RFTN1: variants seen among roughly 807,000 people sequenced by gnomAD.
The protein encoded by RFTN1 is raftlin.
Under a neutral mutation model 46.5 loss-of-function variants are expected in RFTN1, and 26 were observed. The ratio of observed to expected loss-of-function variants is 0.56; its 90% CI spans 0.41 to 0.78. The LOEUF is 0.78. Ranked by LOEUF, RFTN1 falls within the 30% of genes least tolerant of loss-of-function variation. RFTN1 has a pLI of 0.00. For missense variants in RFTN1, 693 were observed against 718.7 expected, an observed-to-expected ratio of 0.96 and a Z score of 0.41; for synonymous variants, 261 against 284.2, an observed-to-expected ratio of 0.92 and a Z score of 0.82.
At position 16,356,670 on chromosome 3, in the gene RFTN1, A is replaced by C. The variant is rs2072457376; in HGVS notation, c.1146+1262T>G. Among the ~76,000 whole-genome samples the C allele has an allele frequency of 6.6e-6, 1 of 152,216 alleles. No individual in the cohort carries two copies. The highest frequency in any genetic ancestry group is 2.4e-5 in the African/African-American group (1 of 41,470). On this transcript the variant is annotated intron_variant, in intron 7 of 9. Coordinates refer to ENST00000334133, the MANE Select transcript of RFTN1 (RefSeq NM_015150.2). The surrounding 1 kb of genome is among the most constrained non-coding windows in gnomAD (Gnocchi z 4.9). ...TTCTGGCAGGCACAAGGGTGTGGCA[A>C]GCACTGGCTGTCTAGAGGGTCCCAG...
rs904630392 is a variant in RFTN1 at position 16,480,520 on chromosome 3, T to C, written c.145+13205A>G. ...GCCCTGACCTGTAAACAAAGAAGAG[T>C]ATGCCTGAAACACAGAACTGAGGAA... is the stretch of plus-strand genomic sequence containing the variant. On this transcript the variant is annotated intron_variant, in intron 2 of 9. Coordinates refer to ENST00000334133, the MANE Select transcript of RFTN1 (RefSeq NM_015150.2). This position sits in a 1 kb window ranked among gnomAD's most constrained non-coding sequence, Gnocchi z 4.3. 2.6e-5 allele frequency among the ~76,000 whole-genome samples: 4 copies of C among 152,224 alleles called. No individual in the cohort carries two copies. The highest frequency in any genetic ancestry group is 9.6e-5 in the African/African-American group (4 of 41,508).
intron 4 of RFTN1, among the ~76,000 whole-genome samples, chr3:16,389,498 G>A (rs974697007): frequency 6.6e-6 from 1 of 151,976 alleles, no homozygotes; most frequent in Non-Finnish European, 1.5e-5. Context: ...TTTTTTTCGG[G>A]GGGGAGGGAA....
rs1424695399 is a variant in RFTN1 at position 16,338,234 on chromosome 3, G to T, written c.1147-11358C>A. On this transcript the variant is annotated intron_variant, in intron 7 of 9. Coordinates refer to ENST00000334133, the MANE Select transcript of RFTN1 (RefSeq NM_015150.2). The surrounding 1 kb of genome is among the most constrained non-coding windows in gnomAD (Gnocchi z 5.3). ...ATGGCATGCATCCTTATTATCAGGGGTGTCTGCCCACACACACCTGCATGA... is the reference window on the plus strand; with the variant it reads ...ATGGCATGCATCCTTATTATCAGGGTTGTCTGCCCACACACACCTGCATGA... Among the ~76,000 whole-genome samples, 1 of 152,234 alleles carries T rather than the reference G, an allele frequency of 6.6e-6. No individual in the cohort carries two copies. The highest frequency in any genetic ancestry group is 2.4e-5 in the African/African-American group (1 of 41,450).
rs575861001 is a variant in RFTN1 at position 16,433,307 on chromosome 3, C to G, written c.332+544G>C. ...AGCCAAACTGAAAAACATCCCCAAG[C>G]CCTGAAAATCTAAATCAAGACCAAA... is the stretch of plus-strand genomic sequence containing the variant. On this transcript the variant is annotated intron_variant, in intron 3 of 9. Transcript: ENST00000334133. The surrounding 1 kb of genome is among the most constrained non-coding windows in gnomAD (Gnocchi z 4.4). Among the ~76,000 whole-genome samples, 21 of 152,166 alleles carry G rather than the reference C, an allele frequency of 1.4e-4. No individual in the cohort carries two copies. The highest frequency in any genetic ancestry group is 2.5e-4 in the Non-Finnish European group (17 of 68,008).
chr3:16,471,538 AAGG>A (rs746124190), intron 2 of RFTN1, among the ~76,000 whole-genome samples: 1 of 152,312 alleles, frequency 6.6e-6, no homozygotes, highest in Non-Finnish European at 1.5e-5. Context: ...AGCCACTGTA[AAGG>A]AGGTCAGGGA....
Position 16,435,917 on chromosome 3 carries a change from A to AATATATATATAT in RFTN1, c.146-1892_146-1881dup, listed in dbSNP as rs10575645. Reference sequence around the variant, plus strand: ...AAATAAATAAAAAATCAGAGATGTAAATATATATATATATATATATATATA... The same window carrying AATATATATATAT: ...AAATAAATAAAAAATCAGAGATGTAAATATATATATATATATATATATATATATATATATATA... On this transcript the variant is annotated intron_variant, in intron 2 of 9. Coordinates refer to ENST00000334133, the MANE Select transcript of RFTN1 (RefSeq NM_015150.2). Among the ~76,000 whole-genome samples, 541 of 142,320 alleles carry AATATATATATAT rather than the reference A, an allele frequency of 3.8e-3. 9 individuals are homozygous for AATATATATATAT. The highest frequency in any genetic ancestry group is 0.014 in the African/African-American group (510 of 37,744). The allele number at this position is 142,320 out of a possible 152,430, so 93.4% of individuals were successfully genotyped here.
rs949884607 is a variant in RFTN1, at chr3:16,352,246, T to C, written c.1146+5686A>G. Among the ~76,000 whole-genome samples, 8 of 152,324 alleles carry C rather than the reference T, an allele frequency of 5.3e-5. 1 individual carries two copies. The highest frequency in any genetic ancestry group is 1.3e-4 in the Admixed American group (2 of 15,308). Reference sequence around the variant, plus strand: ...TAAGCACTGATATGCTAGAACATATTCCAGGGAGAGGGATAAACATGGAAA... The same window carrying C: ...TAAGCACTGATATGCTAGAACATATCCCAGGGAGAGGGATAAACATGGAAA... On this transcript the variant is annotated intron_variant, in intron 7 of 9. Coordinates refer to ENST00000334133, the MANE Select transcript of RFTN1 (RefSeq NM_015150.2). The surrounding 1 kb of genome is among the most constrained non-coding windows in gnomAD (Gnocchi z 4.6).
intron 2 of RFTN1, among the ~76,000 whole-genome samples, chr3:16,438,736 G>A (rs965490403): frequency 1.1e-4 from 17 of 151,454 alleles, no homozygotes; most frequent in Non-Finnish European, 2.1e-4. Context: ...CCATCATAGC[G>A]TCATTGTGAG....
rs114121110 is a variant in RFTN1 at position 16,433,433 on chromosome 3, T to C, written c.332+418A>G. ...GGTAGGCGCAAAATGTTAAAGTATT[T>C]CTAGACTTTGCGGGAAGACATTAAG... On this transcript the variant is annotated intron_variant, in intron 3 of 9. Coordinates refer to ENST00000334133, the MANE Select transcript of RFTN1 (RefSeq NM_015150.2). This position sits in a 1 kb window ranked among gnomAD's most constrained non-coding sequence, Gnocchi z 4.4. 0.019 allele frequency among the ~76,000 whole-genome samples: 2,863 copies of C among 152,326 alleles called. 87 individuals carry two copies. Among genetic ancestry groups the C allele is most frequent in the African/African-American group, 0.064 (2,644 of 41,560 alleles).
Position 16,320,974 on chromosome 3 carries a change from G to A in RFTN1, c.1332+2402C>T, listed in dbSNP as rs1411676956. On this transcript the variant is annotated intron_variant, in intron 9 of 9. Coordinates refer to ENST00000334133, the MANE Select transcript of RFTN1 (RefSeq NM_015150.2). The surrounding 1 kb of genome is among the most constrained non-coding windows in gnomAD (Gnocchi z 4.5). ...ATTTGAAGGGGATATCTATTATTAG[G>A]AGATTAGAATAGCTGAGGCGAGTGA... is the stretch of plus-strand genomic sequence containing the variant. 1.3e-5 allele frequency among the ~76,000 whole-genome samples: 2 copies of A among 152,230 alleles called. No individual in the cohort carries two copies. Among genetic ancestry groups the A allele is most frequent in the Admixed American group, 6.5e-5 (1 of 15,288 alleles).
rs1432036971 is a variant in RFTN1 at position 16,391,886 on chromosome 3, TTTTTTTTG to T, written c.442-13792_442-13785del. Among the ~76,000 whole-genome samples, 95 of 36,956 alleles carry T rather than the reference TTTTTTTTG, an allele frequency of 2.6e-3. 12 individuals carry two copies. The highest frequency in any genetic ancestry group is 0.027 in the Middle Eastern group (2 of 74). The allele number at this position is 36,956 out of a possible 152,430, so 24.2% of individuals were successfully genotyped here. On this transcript the variant is annotated intron_variant, in intron 4 of 9. Transcript: ENST00000334133. Reference sequence around the variant, plus strand: ...TTTTTTTTGTTTTTTTTTTTTGTTTTTTTTTTTGTTTTTTTTACGGGGAAGAAAGCTAA... The same window carrying T: ...TTTTTTTTGTTTTTTTTTTTTGTTTTTTTTTTTTACGGGGAAGAAAGCTAA...
In RFTN1 at chr3:16,337,106, C is replaced by G. The variant is rs1056180194; in HGVS notation, c.1147-10230G>C. ...AGGAGCCTTGCTGTTTCTGCTCACT[C>G]TCCAGGAACCCTGCCTACGCCATGA... On this transcript the variant is annotated intron_variant, in intron 7 of 9. Coordinates refer to ENST00000334133, the MANE Select transcript of RFTN1 (RefSeq NM_015150.2). This position sits in a 1 kb window ranked among gnomAD's most constrained non-coding sequence, Gnocchi z 5.0. The G allele has an allele frequency of 6.6e-6, 1 of 152,268 alleles. No homozygotes were observed. Among genetic ancestry groups the G allele is most frequent in the African/African-American group, 2.4e-5 (1 of 41,456 alleles). 9.4% of individuals were successfully genotyped at this position (152,268 alleles called of 1,614,324 possible).
chr3:16,425,155 G>A lies in RFTN1; in HGVS notation c.332+8696C>T, dbSNP rs969414269. On this transcript the variant is annotated intron_variant, in intron 3 of 9. Transcript: ENST00000334133. The surrounding 1 kb of genome is among the most constrained non-coding windows in gnomAD (Gnocchi z 4.3). ...TTGCAACTAAATTACCTACACTTAT[G>A]CATACGATTCTCAAAATCATGTCCC... 6.6e-6 allele frequency among the ~76,000 whole-genome samples: 1 copy of A among 152,158 alleles called. No homozygotes were observed. The highest frequency in any genetic ancestry group is 1.5e-5 in the Non-Finnish European group (1 of 68,024).
intron 7 of RFTN1, among the ~76,000 whole-genome samples, chr3:16,330,780 C>T (rs186926877): frequency 1.9e-4 from 29 of 152,308 alleles, no homozygotes; most frequent in African/African-American, 7.0e-4. Context: ...TCCTACACAA[C>T]CTTTCTTTAC....
At chr3:16,471,891 T>C (rs778005189) in intron 2 of RFTN1, 1 of 152,138 alleles carries the variant, frequency 6.6e-6, no homozygotes, top group Non-Finnish European at 1.5e-5. Flanking sequence ...CCCTGAAAAT[T>C]TTACATGAGT....
chr3:16,364,067 A>G (rs1389726822), intron 6 of RFTN1, among the ~76,000 whole-genome samples: 13 of 152,268 alleles, frequency 8.5e-5, no homozygotes, highest in Middle Eastern at 3.4e-3. Context: ...TTGAACACTC[A>G]CTGCTGCTCT....
In RFTN1 at chr3:16,448,277, T is replaced by C. The variant is rs56110304; in HGVS notation, c.146-14240A>G. On this transcript the variant is annotated intron_variant, in intron 2 of 9. Coordinates refer to ENST00000334133, the MANE Select transcript of RFTN1 (RefSeq NM_015150.2). This position sits in a 1 kb window ranked among gnomAD's most constrained non-coding sequence, Gnocchi z 4.1. ...GTTACTAGAAAATTTTTCAATGGCA[T>C]TCACAAGTCATATTGTATTTCTATT... Among the ~76,000 whole-genome samples, 777 of 152,362 alleles carry C rather than the reference T, an allele frequency of 5.1e-3. 7 individuals carry two copies. Among genetic ancestry groups the C allele is most frequent in the African/African-American group, 0.018 (730 of 41,588 alleles).
chr3:16,492,752 T>A (rs1161692479), intron 2 of RFTN1, among the ~76,000 whole-genome samples: 2 of 152,220 alleles, frequency 1.3e-5, no homozygotes, highest in Non-Finnish European at 2.9e-5. Flanking sequence ...AATTAAAACC[T>A]GTGGAGTTCT....
Position 16,420,400 on chromosome 3 carries a change from C to T in RFTN1, c.333-10917G>A, listed in dbSNP as rs185113600. Among the ~76,000 whole-genome samples, 401 of 152,308 alleles carry T rather than the reference C, an allele frequency of 2.6e-3. 1 individual carries two copies. The highest frequency in any genetic ancestry group is 4.6e-3 in the Non-Finnish European group (311 of 68,030). On this transcript the variant is annotated intron_variant, in intron 3 of 9. Transcript: ENST00000334133. ...TACTGAATAAAAGCAGTCTGCCTGA[C>T]ATTTACTGGTTCAGAAAAGTCACAT...
Sources: gnomAD v4.1 joint callset for allele counts (sites outside exome capture counted in the v4.1 genomes callset) on GRCh38, gnomAD v4.1.1 for gene constraint, Gnocchi (gnomAD v3.1) non-coding constraint, MANE v1.5 for transcripts, NCBI Gene and HGNC (gene_info 2026-07-23, HGNC 2026-07-21) for gene names.